Variants in SRPK2 observed in about 807,000 individuals in gnomAD.
SRPK2 encodes SRSF protein kinase 2.
In SRPK2, 21 loss-of-function variants were observed where a neutral mutation model predicts 90.8. The observed-to-expected ratio is 0.23, with a 90% confidence interval of 0.16 to 0.33. The LOEUF (loss-of-function observed/expected upper bound fraction) is 0.33. Among genes scored for constraint, SRPK2 ranks in the 10% least tolerant of loss-of-function variants. The pLI is 1.00. For synonymous variants in SRPK2, 288 were observed against 311.1 expected (o/e 0.93, Z 0.78); for missense variants, 620 against 869.0 (o/e 0.71, Z 3.60).
intron 2 of SRPK2, among the ~76,000 whole-genome samples, chr7:105,219,881 GATA>G (rs1797892322): frequency 6.6e-6 from 1 of 152,174 alleles, no homozygotes; most frequent in African/African-American, 2.4e-5. Flanking sequence ...ATTTAGTGGA[GATA>G]ATGTTTCTAT....
upstream of SRPK2, chr7:105,389,318 T>C (rs1822069334): frequency 3.9e-6 from 5 of 1,281,018 alleles, no homozygotes; most frequent in South Asian, 6.2e-5. Context: ...GCACCACCTC[T>C]CTTCCCGCGG....
At chr7:105,365,990 G>A (rs1050980669) in intron 2 of SRPK2, among the ~76,000 whole-genome samples, 1 of 151,768 alleles carries the variant, frequency 6.6e-6, no homozygotes, top group African/African-American at 2.4e-5. Flanking sequence ...AAGTAGCTGC[G>A]ACTACAGGCG....
intron 2 of SRPK2, among the ~76,000 whole-genome samples, chr7:105,278,519 A>C (rs924489614): frequency 4.0e-4 from 17 of 42,096 alleles, no homozygotes; most frequent in African/African-American, 8.3e-4. Flanking sequence ...ATAAAAATAC[A>C]AAAAAAAAAA....
chr7:105,291,933 T>C (rs775027259), intron 2 of SRPK2, among the ~76,000 whole-genome samples: 2 of 152,172 alleles, frequency 1.3e-5, no homozygotes, highest in Non-Finnish European at 2.9e-5. Flanking sequence ...ATTTAAAAAT[T>C]CACAATTTTC....
intron 2 of SRPK2, among the ~76,000 whole-genome samples, chr7:105,318,043 C>T (rs1812502899): frequency 6.6e-6 from 1 of 152,184 alleles, no homozygotes; most frequent in Admixed American, 6.5e-5. Flanking sequence ...GGGCATGAGC[C>T]ACCATGCCGA....
At chr7:105,367,057 C>T (rs978362021) in intron 2 of SRPK2, among the ~76,000 whole-genome samples, 1 of 144,910 alleles carries the variant, frequency 6.9e-6, no homozygotes, top group African/African-American at 2.6e-5. Flanking sequence ...ATGAGATCAC[C>T]TTTTTTTTTG....
intron 7 of SRPK2, among the ~76,000 whole-genome samples, chr7:105,155,079 C>T (rs958606322): frequency 6.6e-6 from 1 of 151,860 alleles, no homozygotes; most frequent in African/African-American, 2.4e-5. Flanking sequence ...CTCCCAAGTC[C>T]AAGTGATTCT....
At chr7:105,159,459 A>AAAAAAAAAAAAAAC (rs1807138511) in intron 7 of SRPK2, among the ~76,000 whole-genome samples, 1 of 147,674 alleles carries the variant, frequency 6.8e-6, no homozygotes, top group Non-Finnish European at 1.5e-5. Flanking sequence ...AAAAAAAAAA[A>AAAAAAAAAAAAAAC]AAAAAAAAAA....
At chr7:105,245,072 C>CA in intron 2 of SRPK2, 2 of 596,348 alleles carry the variant, frequency 3.4e-6, no homozygotes, top group South Asian at 1.8e-5. Flanking sequence ...CACACACACA[C>CA]ACCTCTTTTT....
chr7:105,209,025 T>C lies in SRPK2; in HGVS notation c.72-5240A>G, dbSNP rs185435507. On this transcript the variant is annotated intron_variant, in intron 2 of 15. Coordinates refer to ENST00000393651, the MANE Select transcript of SRPK2 (RefSeq NM_182692.3). ...AATACAGCTATAGATATTTTAAATA[T>C]CCAACACTACACCGTTATAAAATGT... Among the ~76,000 whole-genome samples, 55 of 152,250 alleles carry C rather than the reference T, an allele frequency of 3.6e-4. No individual in the cohort carries two copies. The East Asian group carries it at 8.7e-3, about 24-fold the overall frequency.
chr7:105,386,043 G>C (rs977349497), intron 2 of SRPK2, among the ~76,000 whole-genome samples: 3 of 152,188 alleles, frequency 2.0e-5, no homozygotes, highest in African/African-American at 7.2e-5. Flanking sequence ...GGCCGGGCTT[G>C]GTGGCTCACG....
At chr7:105,358,195 G>C (rs965289389) in intron 2 of SRPK2, among the ~76,000 whole-genome samples, 18 of 125,994 alleles carry the variant, frequency 1.4e-4, no homozygotes, top group African/African-American at 5.1e-4. Context: ...CTGCACTCCA[G>C]CCTGGGCAAC....
chr7:105,349,151 A>G, intron 2 of SRPK2, among the ~76,000 whole-genome samples: 1 of 129,666 alleles, frequency 7.7e-6, no homozygotes, highest in African/African-American at 2.9e-5. Context: ...GTAGAAAGAG[A>G]GAAAGAAAGA....
intron 2 of SRPK2, among the ~76,000 whole-genome samples, chr7:105,283,097 A>AT (rs1807559489): frequency 6.6e-6 from 1 of 152,234 alleles, no homozygotes; most frequent in Non-Finnish European, 1.5e-5. Context: ...ACAGTGAAAT[A>AT]CCACTTCACA....
At chr7:105,137,180 G>A (rs1451117502) in intron 11 of SRPK2, among the ~76,000 whole-genome samples, 1 of 152,194 alleles carries the variant, frequency 6.6e-6, no homozygotes, top group East Asian at 1.9e-4. Flanking sequence ...AAACAGGCTT[G>A]CAACTTTGAG....
rs147183685 is a variant in SRPK2 at position 105,220,348 on chromosome 7, A to C, written c.72-16563T>G. Among the ~76,000 whole-genome samples the C allele has an allele frequency of 4.3e-3, 659 of 152,098 alleles. 5 individuals are homozygous for C. The highest frequency in any genetic ancestry group is 0.015 in the African/African-American group (628 of 41,516). On this transcript the variant is annotated intron_variant, in intron 2 of 15. Transcript: ENST00000393651. ...TCGATACCAGCCTGGCCAACATGGT[A>C]AAATCCCATCTCTACTAAAAATACA...
chr7:105,389,721 C>G (rs969546184), upstream of SRPK2, among the ~76,000 whole-genome samples: 1 of 152,108 alleles, frequency 6.6e-6, no homozygotes, highest in African/African-American at 2.4e-5. Flanking sequence ...GCCTGGCCGT[C>G]GACAAACCAC....
At chr7:105,185,458 T>C (rs1197727316) in intron 3 of SRPK2, among the ~76,000 whole-genome samples, 2 of 152,272 alleles carry the variant, frequency 1.3e-5, no homozygotes, top group East Asian at 3.9e-4. Context: ...CTGCTGTTCA[T>C]GGAGTGCAAG....
intron 2 of SRPK2, among the ~76,000 whole-genome samples, chr7:105,273,333 G>A (rs961245071): frequency 5.3e-5 from 8 of 151,858 alleles, no homozygotes; most frequent in African/African-American, 1.9e-4. Context: ...GCTTTTTCAC[G>A]CCACTAAATC....
Sources: allele counts gnomAD v4.1 joint callset (sites outside exome capture counted in the v4.1 genomes callset), GRCh38; gene constraint gnomAD v4.1.1; transcripts MANE v1.5; gene names NCBI Gene and HGNC (gene_info 2026-07-23, HGNC 2026-07-21).